PTGIS: variants seen among roughly 807,000 people sequenced by gnomAD.
PTGIS encodes the protein prostacyclin synthase.
In PTGIS, 45 loss-of-function variants were observed where a neutral mutation model predicts 50.3. The ratio of observed to expected loss-of-function variants is 0.90; its 90% CI spans 0.70 to 1.15. The LOEUF (loss-of-function observed/expected upper bound fraction) is 1.15, where lower values mean the gene tolerates loss of function less well. PTGIS is among the 50% of genes most tolerant of loss of function. The pLI is 0.00. For synonymous variants in PTGIS, 260 were observed against 267.7 expected (o/e 0.97, Z 0.28); for missense variants, 668 against 661.3 (o/e 1.01, Z -0.11).
At position 49,524,046 on chromosome 20, in the gene PTGIS, A is replaced by C; in HGVS notation, c.855+12T>G. ...CACACCTGCACACACCCACTTGCAC[A>C]TTCACACCCACCTGTGTGGCCCACA... is the stretch of plus-strand genomic sequence containing the variant. On this transcript the variant is annotated intron_variant, in intron 6 of 9. Transcript: ENST00000244043. The C allele has an allele frequency of 6.2e-7, 1 of 1,614,164 alleles. No homozygotes were observed. Among genetic ancestry groups the C allele is most frequent in the Non-Finnish European group, 8.5e-7 (1 of 1,180,020 alleles).
chr20:49,529,733 C>G (rs953947705), intron 5 of PTGIS, among the ~76,000 whole-genome samples: 10 of 152,198 alleles, frequency 6.6e-5, no homozygotes, highest in Non-Finnish European at 1.0e-4. Context: ...TCAGTTATCA[C>G]GTCAACTGTC....
At chr20:49,549,965 G>T in intron 2 of PTGIS, 101 bp downstream of exon 2, 3 of 1,579,546 alleles carry the variant, frequency 1.9e-6, no homozygotes, top group Non-Finnish European at 1.7e-6. Context: ...TGGTGGGGTG[G>T]GGGGGTTGGC....
intron 4 of PTGIS, among the ~76,000 whole-genome samples, chr20:49,541,844 G>C (rs7274156): frequency 0.062 from 9,388 of 152,190 alleles, 900 homozygotes; most frequent in African/African-American, 0.21. Flanking sequence ...CATATCAAAA[G>C]AGCACGGCTG....
intron 5 of PTGIS, among the ~76,000 whole-genome samples, chr20:49,529,981 C>G (rs1237093312): frequency 6.6e-6 from 1 of 151,834 alleles, no homozygotes; most frequent in Non-Finnish European, 1.5e-5. Context: ...ACAGAGAAAC[C>G]CTGTCTCTAC....
chr20:49,526,022 G>C (rs1981786922), intron 5 of PTGIS, among the ~76,000 whole-genome samples: 1 of 152,140 alleles, frequency 6.6e-6, no homozygotes, highest in Non-Finnish European at 1.5e-5. Context: ...CATTTCGGGT[G>C]ACATTTCAAT....
At chr20:49,567,923 C>T (rs1982944343) in intron 1 of PTGIS, 120 bp downstream of exon 1, 8 of 968,766 alleles carry the variant, frequency 8.3e-6, no homozygotes, top group Non-Finnish European at 1.1e-5. Context: ...TCTCGCCTTG[C>T]CCGGGATACT....
At position 49,563,645 on chromosome 20, in the gene PTGIS, C is replaced by T. The variant is rs372704404; in HGVS notation, c.74+4398G>A. On this transcript the variant is annotated intron_variant, in intron 1 of 9. Coordinates refer to ENST00000244043, the MANE Select transcript of PTGIS (RefSeq NM_000961.4). The stretch of plus-strand genomic sequence containing the variant: ...CCCAATTTTCTCCCCATGTCCCACA[C>T]AGCACAAACCCAGCCCATCCAGGGC... 7.2e-5 allele frequency among the ~76,000 whole-genome samples: 11 copies of T among 152,332 alleles called. No individual in the cohort carries two copies. The South Asian group carries it at 2.1e-3, about 29-fold the overall frequency.
At chr20:49,552,440 A>AT (rs1358083174) in intron 1 of PTGIS, among the ~76,000 whole-genome samples, 2 of 152,138 alleles carry the variant, frequency 1.3e-5, no homozygotes, top group Non-Finnish European at 2.9e-5. Flanking sequence ...GATTTCTATA[A>AT]TTTTATGTTT....
intron 1 of PTGIS, among the ~76,000 whole-genome samples, chr20:49,560,904 T>G (rs1601206212): frequency 6.6e-6 from 1 of 151,148 alleles, no homozygotes; most frequent in Admixed American, 6.6e-5. Flanking sequence ...CACTGGAGGG[T>G]TTGCAGCAGG....
chr20:49,533,424 C>T (rs1049346841), intron 5 of PTGIS, among the ~76,000 whole-genome samples: 16 of 152,096 alleles, frequency 1.1e-4, no homozygotes, highest in Non-Finnish European at 1.8e-4. Context: ...TGTCCCCTGC[C>T]CCCAACTCCC....
intron 1 of PTGIS, among the ~76,000 whole-genome samples, chr20:49,556,188 A>G (rs947183495): frequency 6.6e-6 from 1 of 152,172 alleles, no homozygotes; most frequent in Non-Finnish European, 1.5e-5. Context: ...AAACTTGGAA[A>G]CTATTTGTGA....
intron 9 of PTGIS, among the ~76,000 whole-genome samples, chr20:49,510,259 C>A (rs1012005542): frequency 1.3e-5 from 2 of 152,074 alleles, no homozygotes; most frequent in African/African-American, 4.8e-5. Context: ...TAATTGACTC[C>A]ATTTTCTTGA....
chr20:49,566,242 C>CA (rs1568689402), intron 1 of PTGIS, among the ~76,000 whole-genome samples: 1 of 151,908 alleles, frequency 6.6e-6, no homozygotes, highest in Non-Finnish European at 1.5e-5. Context: ...AACAAACAAA[C>CA]AAACAAAAAA....
At chr20:49,542,978 C>T (rs1005262894) in intron 4 of PTGIS, among the ~76,000 whole-genome samples, 1 of 152,234 alleles carries the variant, frequency 6.6e-6, no homozygotes. Flanking sequence ...ACACACATAT[C>T]ATAAATATAC....
chr20:49,520,915 A>C (rs1981637652), intron 6 of PTGIS, among the ~76,000 whole-genome samples: 1 of 152,164 alleles, frequency 6.6e-6, no homozygotes, highest in Non-Finnish European at 1.5e-5. Flanking sequence ...TAGGACTCAA[A>C]TGATGTTCCT....
intron 1 of PTGIS, among the ~76,000 whole-genome samples, chr20:49,559,394 C>T (rs1349971557): frequency 6.6e-6 from 1 of 152,172 alleles, no homozygotes; most frequent in Non-Finnish European, 1.5e-5. Context: ...CGTTCCTTTA[C>T]CTTCTTAATA....
chr20:49,515,260 A>T (rs995489966), intron 6 of PTGIS, among the ~76,000 whole-genome samples: 69 of 152,260 alleles, frequency 4.5e-4, no homozygotes, highest in African/African-American at 1.6e-3. Flanking sequence ...CAAAGCCGCA[A>T]TCATCATTGA....
intron 1 of PTGIS, among the ~76,000 whole-genome samples, chr20:49,558,800 G>A (rs962484758): frequency 2.7e-5 from 4 of 150,786 alleles, no homozygotes; most frequent in Non-Finnish European, 5.9e-5. Flanking sequence ...TGCAACCTCC[G>A]CCTCCCAGGT....
chr20:49,553,902 T>C (rs1226886385), intron 1 of PTGIS, among the ~76,000 whole-genome samples: 2 of 152,118 alleles, frequency 1.3e-5, no homozygotes, highest in East Asian at 1.9e-4. Context: ...GTGTAAGTCA[T>C]AATAAGGTTT....
Sources: gnomAD v4.1 joint callset for allele counts (sites outside exome capture counted in the v4.1 genomes callset) on GRCh38, gnomAD v4.1.1 for gene constraint, MANE v1.5 for transcripts, NCBI Gene and HGNC (gene_info 2026-07-23, HGNC 2026-07-21) for gene names.